FANCC: variants seen among roughly 807,000 people sequenced by gnomAD.
FANCC encodes the protein FA complementation group C, also known as Fanconi anemia group C protein.
In FANCC, 55 loss-of-function variants were observed where a neutral mutation model predicts 71.3. The ratio of observed to expected loss-of-function variants is 0.77; its 90% CI spans 0.62 to 0.97. The LOEUF is 0.97. Ranked by LOEUF, FANCC falls within the 50% of genes least tolerant of loss-of-function variation. The probability of loss-of-function intolerance (pLI) is 0.00; values close to 1 mark genes in which losing one functional copy is unlikely to be tolerated. For synonymous variants in FANCC, 275 were observed against 244.9 expected (o/e 1.12, Z -1.15); for missense variants, 678 against 670.9 (o/e 1.01, Z -0.12).
intron 1 of FANCC, among the ~76,000 whole-genome samples, chr9:95,284,253 G>A (rs1833539980): frequency 6.6e-6 from 1 of 152,144 alleles, no homozygotes; most frequent in Non-Finnish European, 1.5e-5. Flanking sequence ...CAGCCTGAAA[G>A]CCCCAAAGTT....
intron 10 of FANCC, among the ~76,000 whole-genome samples, chr9:95,120,604 T>C (rs2072799254): frequency 6.6e-6 from 1 of 151,712 alleles, no homozygotes; most frequent in Admixed American, 6.6e-5. Context: ...TACTTTTTTG[T>C]AGAGACTGGG....
chr9:95,243,171 G>A (rs1830735397), intron 3 of FANCC, among the ~76,000 whole-genome samples: 1 of 152,226 alleles, frequency 6.6e-6, no homozygotes, highest in South Asian at 2.1e-4. Context: ...AAGTTTGGCA[G>A]AAATTTGTTA....
Position 95,101,827 on chromosome 9 carries a change from A to C in FANCC, c.1557T>G (p.Thr519=). Reference sequence around the variant, plus strand: ...GGTCAAGAAAGCCAATGATCTCGTGAGTTATCTCAGCAGTGTGAGCCATCT... The same window carrying C: ...GGTCAAGAAAGCCAATGATCTCGTGCGTTATCTCAGCAGTGTGAGCCATCT... ...ITLMAHTAEI[T]HEIIGFLDQT... is the part of the protein sequence containing the mutation. Residue 519 remains threonine, a synonymous_variant, in exon 15 of 15, where the codon ACT becomes ACG. Coordinates refer to ENST00000289081, the MANE Select transcript of FANCC (RefSeq NM_000136.3). The C allele has an allele frequency of 6.2e-6, 10 of 1,614,018 alleles. No homozygotes were observed. The highest frequency in any genetic ancestry group is 8.5e-6 in the Non-Finnish European group (10 of 1,179,986).
chr9:95,263,242 G>A (rs1053971174), intron 1 of FANCC, among the ~76,000 whole-genome samples: 1 of 152,006 alleles, frequency 6.6e-6, no homozygotes, highest in Non-Finnish European at 1.5e-5. Flanking sequence ...CTCAGAACAG[G>A]GCTGCACACA....
At chr9:95,312,670 G>A (rs1382146231) in intron 1 of FANCC, among the ~76,000 whole-genome samples, 4 of 152,256 alleles carry the variant, frequency 2.6e-5, no homozygotes, top group Non-Finnish European at 5.9e-5. Flanking sequence ...ACTATTCACT[G>A]TAACAGGACT....
Position 95,107,273 on chromosome 9 carries a change from G to C in FANCC, c.1330-4C>G, listed in dbSNP as rs762141353. On this transcript the variant is annotated splice_region_variant and splice_polypyrimidine_tract_variant and intron_variant, in intron 13 of 14. Transcript: ENST00000289081. ...CCAGCACGGCCTTCACCTGGACCTGGGCAATAGTATTTCACAGGGGAGAGG... is the reference window on the plus strand; with the variant it reads ...CCAGCACGGCCTTCACCTGGACCTGCGCAATAGTATTTCACAGGGGAGAGG... 5.0e-6 allele frequency: 8 copies of C among 1,613,288 alleles called. No homozygotes were observed. The highest frequency in any genetic ancestry group is 1.7e-6 in the Non-Finnish European group (2 of 1,179,744).
chr9:95,226,390 A>G (rs1247238124), intron 4 of FANCC, among the ~76,000 whole-genome samples: 1 of 152,222 alleles, frequency 6.6e-6, no homozygotes, highest in Non-Finnish European at 1.5e-5. Context: ...TCCCTGATCT[A>G]TGCTCTAGGG....
At chr9:95,283,106 T>C (rs900601277) in intron 1 of FANCC, among the ~76,000 whole-genome samples, 1 of 152,206 alleles carries the variant, frequency 6.6e-6, no homozygotes, top group African/African-American at 2.4e-5. Context: ...TTTGAACAGA[T>C]GGCTCTTCCT....
At chr9:95,113,095 C>T (rs1156778007) in intron 12 of FANCC, among the ~76,000 whole-genome samples, 1 of 152,206 alleles carries the variant, frequency 6.6e-6, no homozygotes, top group African/African-American at 2.4e-5. Context: ...ACCAGGACAA[C>T]CAGGGAGGGT....
chr9:95,190,757 T>G (rs1391588180), intron 4 of FANCC, among the ~76,000 whole-genome samples: 1 of 152,212 alleles, frequency 6.6e-6, no homozygotes, highest in South Asian at 2.1e-4. Context: ...CATTTTTCTT[T>G]TCATCTAGTC....
In FANCC at chr9:95,099,433, C is replaced by T. The variant is rs776571202; in HGVS notation, c.*2274G>A. The T allele has an allele frequency of 3.8e-4, 87 of 226,750 alleles. No individual in the cohort carries two copies. The highest frequency in any genetic ancestry group is 6.3e-4 in the Non-Finnish European group (72 of 114,836). 14.0% of individuals were successfully genotyped at this position (226,750 alleles called of 1,614,324 possible). A position where few individuals can be genotyped will look rare whatever the true frequency, so the allele number is the denominator to read the frequency against. On this transcript the variant is annotated 3_prime_UTR_variant, in exon 15 of 15. Coordinates refer to ENST00000289081, the MANE Select transcript of FANCC (RefSeq NM_000136.3). ...CGCCGTCAAGGCCCCCTCGGCCACG[C>T]CGCGTCCCCGCCCAGCATCTCGGAT...
At chr9:95,315,548 T>G (rs1835688992) in intron 1 of FANCC, among the ~76,000 whole-genome samples, 1 of 152,222 alleles carries the variant, frequency 6.6e-6, no homozygotes, top group South Asian at 2.1e-4. Flanking sequence ...CCTTTCCTTC[T>G]CCACTTCTGC....
chr9:95,279,643 G>A (rs559083342), intron 1 of FANCC, among the ~76,000 whole-genome samples: 2 of 152,254 alleles, frequency 1.3e-5, no homozygotes, highest in East Asian at 3.9e-4. Flanking sequence ...TCATGGATGT[G>A]AGTGGAATAA....
At chr9:95,202,196 C>CT (rs1419494021) in intron 4 of FANCC, among the ~76,000 whole-genome samples, 2 of 152,222 alleles carry the variant, frequency 1.3e-5, no homozygotes, top group African/African-American at 4.8e-5. Context: ...TGACCGGAGA[C>CT]TAAAAGGAAG....
chr9:95,191,271 C>A (rs765899097), intron 4 of FANCC, among the ~76,000 whole-genome samples: 28 of 151,200 alleles, frequency 1.9e-4, no homozygotes, highest in Non-Finnish European at 8.9e-5. Flanking sequence ...GGGGTTCAAA[C>A]CTCACAAGGC....
At chr9:95,304,273 C>T (rs1834939281) in intron 1 of FANCC, among the ~76,000 whole-genome samples, 1 of 152,002 alleles carries the variant, frequency 6.6e-6, no homozygotes, top group South Asian at 2.1e-4. Context: ...GACCCAATAT[C>T]AAGAAAGGAG....
chr9:95,175,453 G>C (rs184574651), intron 4 of FANCC, among the ~76,000 whole-genome samples: 4 of 152,288 alleles, frequency 2.6e-5, no homozygotes, highest in African/African-American at 9.6e-5. Context: ...CCACTTGCTT[G>C]TTATTGTTTT....
intron 4 of FANCC, among the ~76,000 whole-genome samples, chr9:95,189,884 A>C (rs1328425346): frequency 6.6e-6 from 1 of 152,174 alleles, no homozygotes; most frequent in East Asian, 1.9e-4. Context: ...GGAGAATATC[A>C]GACAACTGAG....
chr9:95,167,776 TA>T (rs1825392281), intron 6 of FANCC, among the ~76,000 whole-genome samples: 1 of 152,218 alleles, frequency 6.6e-6, no homozygotes, highest in African/African-American at 2.4e-5. Flanking sequence ...TTAAGGCAAT[TA>T]TTTCAAATAC....
Sources: gnomAD v4.1 joint callset for allele counts (sites outside exome capture counted in the v4.1 genomes callset) on GRCh38, gnomAD v4.1.1 for gene constraint, MANE v1.5 for transcripts, NCBI Gene and HGNC (gene_info 2026-07-23, HGNC 2026-07-21) for gene names.